NTNG1: variants seen among roughly 807,000 people sequenced by gnomAD.
NTNG1 encodes the protein netrin-G1.
A neutral mutation model predicts 54.0 loss-of-function variants in NTNG1; 16 were observed. That is an observed-to-expected ratio of 0.30 (90% CI 0.20 to 0.45). The LOEUF (loss-of-function observed/expected upper bound fraction) is 0.45. Among genes scored for constraint, NTNG1 ranks in the 20% least tolerant of loss-of-function variants. The pLI is 1.00. For synonymous variants in NTNG1, 255 were observed against 263.1 expected (o/e 0.97, Z 0.30); for missense variants, 530 against 678.7 (o/e 0.78, Z 2.43).
intron 3 of NTNG1, among the ~76,000 whole-genome samples, chr1:107,346,886 A>T (rs1669275607): frequency 1.3e-4 from 1 of 7,666 alleles, no homozygotes; most frequent in Non-Finnish European, 3.3e-4. Flanking sequence ...TTCTATCCTA[A>T]AAAAAAAAAA....
intron 3 of NTNG1, among the ~76,000 whole-genome samples, chr1:107,340,726 A>T (rs2101924557): frequency 6.6e-6 from 1 of 152,200 alleles, no homozygotes; most frequent in South Asian, 2.1e-4. Context: ...ACTCTGGTTT[A>T]CATAGAGAGG....
intron 2 of NTNG1, among the ~76,000 whole-genome samples, chr1:107,284,468 A>C (rs1665068246): frequency 1.3e-5 from 2 of 152,106 alleles, no homozygotes; most frequent in Non-Finnish European, 2.9e-5. Flanking sequence ...AGAGGTAAGA[A>C]ATGATGTTTT....
At chr1:107,166,812 A>G (rs1369647115) in intron 2 of NTNG1, among the ~76,000 whole-genome samples, 2 of 152,242 alleles carry the variant, frequency 1.3e-5, no homozygotes, top group South Asian at 2.1e-4. Flanking sequence ...CCTATCAAAA[A>G]CGTTCTAGAG....
intron 2 of NTNG1, among the ~76,000 whole-genome samples, chr1:107,170,158 A>G (rs930832474): frequency 5.3e-5 from 8 of 152,206 alleles, no homozygotes; most frequent in African/African-American, 1.7e-4. Flanking sequence ...AGACGAGTTG[A>G]TGCATCAAAA....
At chr1:107,208,701 T>C (rs1557810934) in intron 2 of NTNG1, among the ~76,000 whole-genome samples, 1 of 152,110 alleles carries the variant, frequency 6.6e-6, no homozygotes, top group East Asian at 1.9e-4. Flanking sequence ...GCATTGTCCT[T>C]GGGTTAGGCA....
intron 6 of NTNG1, 45 bp from the exon 7 acceptor site, chr1:107,436,620 C>A (rs749203335): frequency 1.3e-6 from 2 of 1,589,960 alleles, no homozygotes; most frequent in Non-Finnish European, 1.7e-6. Context: ...AACCTGTAAG[C>A]CATGCAGACT....
At chr1:107,373,387 T>C (rs1021652837) in intron 3 of NTNG1, among the ~76,000 whole-genome samples, 9 of 152,198 alleles carry the variant, frequency 5.9e-5, no homozygotes, top group African/African-American at 2.2e-4. Flanking sequence ...TCTCAGACTT[T>C]ATGATTTTGT....
intron 7 of NTNG1, among the ~76,000 whole-genome samples, chr1:107,451,759 A>C (rs1676641247): frequency 6.6e-6 from 1 of 152,154 alleles, no homozygotes. Flanking sequence ...ACATTTATTG[A>C]CTGTTTGAAT....
At chr1:107,251,204 T>C (rs865907629) in intron 2 of NTNG1, among the ~76,000 whole-genome samples, 1 of 152,222 alleles carries the variant, frequency 6.6e-6, no homozygotes, top group African/African-American at 2.4e-5. Flanking sequence ...AAGGAAATCT[T>C]ACTAAAATCT....
intron 2 of NTNG1, among the ~76,000 whole-genome samples, chr1:107,196,927 G>A (rs1453091686): frequency 1.3e-5 from 2 of 151,726 alleles, no homozygotes; most frequent in Non-Finnish European, 2.9e-5. Context: ...TGAAAACCTT[G>A]TCATTCTCGG....
intron 3 of NTNG1, among the ~76,000 whole-genome samples, chr1:107,330,520 T>C (rs373148614): frequency 2.0e-4 from 30 of 152,262 alleles, no homozygotes; most frequent in African/African-American, 7.2e-4. Context: ...CAGTAGGACT[T>C]GTTGACCAGT....
chr1:107,432,193 GTCAGAAAAGGATAAAT>G (rs1335679075), intron 6 of NTNG1, among the ~76,000 whole-genome samples: 1 of 152,172 alleles, frequency 6.6e-6, no homozygotes, highest in Non-Finnish European at 1.5e-5. Context: ...GAGCCTTCTA[GTCAGAAAAGGATAAAT>G]GGGATGCACA....
At chr1:107,449,146 T>C (rs1417372943) in intron 7 of NTNG1, among the ~76,000 whole-genome samples, 1 of 152,034 alleles carries the variant, frequency 6.6e-6, no homozygotes, top group Admixed American at 6.6e-5. Context: ...AAAACTTTCT[T>C]TCTCAGTGGC....
At chr1:107,258,200 T>A (rs2101640587) in intron 2 of NTNG1, among the ~76,000 whole-genome samples, 1 of 152,028 alleles carries the variant, frequency 6.6e-6, no homozygotes, top group Non-Finnish European at 1.5e-5. Flanking sequence ...TTTTTTTATT[T>A]AATGTTTTGC....
At chr1:107,399,010 A>G (rs1230328169) in intron 4 of NTNG1, among the ~76,000 whole-genome samples, 1 of 152,176 alleles carries the variant, frequency 6.6e-6, no homozygotes, top group African/African-American at 2.4e-5. Flanking sequence ...TAGGAATCCT[A>G]ACTTCAGCAA....
chr1:107,363,227 T>A (rs1048372724), intron 3 of NTNG1, among the ~76,000 whole-genome samples: 1 of 152,198 alleles, frequency 6.6e-6, no homozygotes, highest in African/African-American at 2.4e-5. Flanking sequence ...GGCTTATTCA[T>A]TGGATGGTTT....
intron 2 of NTNG1, among the ~76,000 whole-genome samples, chr1:107,161,036 C>A (rs2101054111): frequency 6.6e-6 from 1 of 152,270 alleles, no homozygotes; most frequent in South Asian, 2.1e-4. Flanking sequence ...CAGACTATAA[C>A]TGATATCTCA....
intron 3 of NTNG1, among the ~76,000 whole-genome samples, chr1:107,376,936 A>G (rs570888326): frequency 6.6e-6 from 1 of 152,206 alleles, no homozygotes; most frequent in East Asian, 1.9e-4. Context: ...GCCTCTGCCT[A>G]CTTATTCATT....
intron 5 of NTNG1, chr1:107,410,063 G>A (rs190395897): frequency 1.3e-5 from 2 of 152,158 alleles, no homozygotes; most frequent in Admixed American, 1.3e-4. Flanking sequence ...GCTAAGTTAT[G>A]GGTGTTTGCC....
Sources: gnomAD v4.1 joint callset for allele counts (sites outside exome capture counted in the v4.1 genomes callset) on GRCh38, gnomAD v4.1.1 for gene constraint, MANE v1.5 for transcripts, NCBI Gene and HGNC (gene_info 2026-07-23, HGNC 2026-07-21) for gene names.